The following CHAMP1 variants were observed in gnomAD, a reference collection of about 807,000 sequenced individuals.
CHAMP1 encodes the protein chromosome alignment maintaining phosphoprotein 1.
A neutral mutation model predicts 54.5 loss-of-function variants in CHAMP1; 4 were observed. The ratio of observed to expected loss-of-function variants is 0.07; its 90% CI spans 0.04 to 0.17. CHAMP1 has a LOEUF of 0.17. CHAMP1 is among the 10% of genes least tolerant of loss of function. The probability of loss-of-function intolerance (pLI) is 1.00; values close to 1 mark genes in which losing one functional copy is unlikely to be tolerated. For missense variants in CHAMP1, 994 were observed against 968.6 expected (o/e 1.03, Z -0.35); for synonymous variants, 368 against 342.2 (o/e 1.08, Z -0.83).
At chr13:114,322,067 A>C (rs1555379159) in intron 2 of CHAMP1, 1 of 116,778 alleles carries the variant, frequency 8.6e-6, no homozygotes, top group African/African-American at 3.4e-5. Flanking sequence ...TTTGAGATGG[A>C]GTCTTGCTCT....
rs1555379381 is a variant in CHAMP1 at position 114,324,203 on chromosome 13, T to C, written c.361T>C (p.Ser121Pro). The C allele has an allele frequency of 6.2e-7, 1 of 1,614,116 alleles. No homozygotes were observed. Among genetic ancestry groups the C allele is most frequent in the Admixed American group, 1.7e-5 (1 of 60,022 alleles). Residue 121 changes from serine (S) to proline (P), a missense_variant, in exon 3 of 3, where the codon TCA becomes CCA. By Grantham distance (74) the Ser-to-Pro change is moderately conservative. Coordinates refer to ENST00000361283, the MANE Select transcript of CHAMP1 (RefSeq NM_032436.4). ...TGAACACCAGAAAATACCCTGCAATTCAGCAGAACCAAAATCCATACCTGC... is the reference window on the plus strand; with the variant it reads ...TGAACACCAGAAAATACCCTGCAATCCAGCAGAACCAAAATCCATACCTGC... The part of the protein sequence containing the change: ...LPEHQKIPCN[S>P]AEPKSIPALS...
chr13:114,325,517 C>G lies in CHAMP1; in HGVS notation c.1675C>G (p.Leu559Val), dbSNP rs782278823. ...ALFPEPRKHA[L>V]FPELPKSALF... The stretch of plus-strand genomic sequence containing the variant: ...TTTTCCAGAGCCCCGGAAGCATGCC[C>G]TTTTCCCTGAACTCCCCAAATCTGC... The change falls in exon 3 of 3, where the codon CTT becomes GTT. Residue 559 changes from leucine to valine, a missense_variant. By Grantham distance (32) the Leu-to-Val change is conservative (BLOSUM62 1). Coordinates refer to ENST00000361283, the MANE Select transcript of CHAMP1 (RefSeq NM_032436.4). 2.5e-6 allele frequency: 4 copies of G among 1,614,052 alleles called. No individual in the cohort carries two copies. In the East Asian group the frequency reaches 6.7e-5, roughly 27 times the overall value.
chr13:114,325,975 C>T lies in CHAMP1; in HGVS notation c.2133C>T (p.Cys711=). 6.2e-7 allele frequency: 1 copy of T among 1,614,118 alleles called. No homozygotes were observed. Among genetic ancestry groups the T allele is most frequent in the Non-Finnish European group, 8.5e-7 (1 of 1,180,016 alleles). The change falls in exon 3 of 3, where the codon TGC becomes TGT. Residue 711 remains cysteine (C), a synonymous_variant. Transcript: ENST00000361283. The stretch of plus-strand genomic sequence containing the variant: ...AGCGTGGAAAAGGAAAGTATTATTG[C>T]AAAATTTGTTGCTGTCGTGCTATGA... ...YMKRGKGKYY[C]KICCCRAMKK... is the part of the protein sequence containing the mutation.
At position 114,324,036 on chromosome 13, in the gene CHAMP1, A is replaced by G; in HGVS notation, c.194A>G (p.His65Arg). The G allele has an allele frequency of 5.0e-6, 8 of 1,614,248 alleles. No homozygotes were observed. Among genetic ancestry groups the G allele is most frequent in the South Asian group, 1.1e-5 (1 of 91,092 alleles). ...YQKSAKLFHC[H>R]KCFFTSKMYS... ...AAAAGTGCAAAGTTATTTCACTGCC[A>G]TAAATGCTTCTTCACCAGCAAGATG... The change falls in exon 3 of 3, where the codon CAT (histidine) becomes CGT (arginine). Residue 65 changes from histidine to arginine, a missense_variant. His to Arg is a conservative substitution (Grantham distance 29). Transcript: ENST00000361283.
intron 1 of CHAMP1, among the ~76,000 whole-genome samples, chr13:114,318,066 G>C (rs935951084): frequency 1.3e-5 from 2 of 152,188 alleles, no homozygotes; most frequent in African/African-American, 4.8e-5. Context: ...TTGCCTAAAA[G>C]TTGAATTCTG....
chr13:114,320,897 A>T (rs1230169941), intron 1 of CHAMP1, among the ~76,000 whole-genome samples: 5 of 151,494 alleles, frequency 3.3e-5, no homozygotes, highest in Non-Finnish European at 7.4e-5. Flanking sequence ...CGGAGCTTGC[A>T]GTGAGCCGAG....
chr13:114,315,878 C>G (rs1414987957), intron 1 of CHAMP1, among the ~76,000 whole-genome samples: 1 of 149,660 alleles, frequency 6.7e-6, no homozygotes, highest in Non-Finnish European at 1.5e-5. Context: ...CTCTCGTTGC[C>G]CAGGCTGGAG....
intron 1 of CHAMP1, among the ~76,000 whole-genome samples, chr13:114,317,192 A>G (rs1238613267): frequency 1.3e-5 from 2 of 151,942 alleles, no homozygotes; most frequent in Non-Finnish European, 2.9e-5. Flanking sequence ...TAATTTTTGT[A>G]TTTTTAGTAG....
In CHAMP1 at chr13:114,324,586, A is replaced by G; in HGVS notation, c.744A>G (p.Pro248=). The G allele has an allele frequency of 6.2e-7, 1 of 1,614,112 alleles. No homozygotes were observed. The highest frequency in any genetic ancestry group is 8.5e-7 in the Non-Finnish European group (1 of 1,180,006). ...CTTCAGCCTCATCTCCAGAGTCACCAGTTCTAGCTGCTTCCCCAGAACCTT... is the reference window on the plus strand; with the variant it reads ...CTTCAGCCTCATCTCCAGAGTCACCGGTTCTAGCTGCTTCCCCAGAACCTT... ...GPPSASSPES[P]VLAASPEPWG... The change falls in exon 3 of 3, where the codon CCA becomes CCG. Residue 248 remains proline (P), a synonymous_variant. Transcript: ENST00000361283.
chr13:114,316,611 A>G, intron 1 of CHAMP1, among the ~76,000 whole-genome samples: 1 of 152,056 alleles, frequency 6.6e-6, no homozygotes, highest in East Asian at 1.9e-4. Context: ...AATAAATAAA[A>G]ATGACTCCTT....
In CHAMP1 at chr13:114,324,875, C is replaced by T; in HGVS notation, c.1033C>T (p.Pro345Ser). 6.2e-7 allele frequency: 1 copy of T among 1,614,140 alleles called. No homozygotes were observed. Among genetic ancestry groups the T allele is most frequent in the East Asian group, 2.2e-5 (1 of 44,886 alleles). Residue 345 changes from proline to serine, a missense_variant, in exon 3 of 3, where the codon CCT becomes TCT. Physicochemically the swap from Pro to Ser is moderately conservative, Grantham distance 74. This residue lies in a region of CHAMP1 where 851 missense variants were observed against 701.3 expected (regional missense o/e 1.21). Coordinates refer to ENST00000361283, the MANE Select transcript of CHAMP1 (RefSeq NM_032436.4). Reference protein sequence around the residue: ...KPAKPAPSVSPGPWKPIPSVS... With the variant: ...KPAKPAPSVSSGPWKPIPSVS... ...AGCTAAACCTGCTCCATCTGTGTCT[C>T]CTGGACCTTGGAAACCAATTCCTTC...
At chr13:114,321,084 T>G (rs1260055849) in intron 1 of CHAMP1, 26 bp from the exon 2 acceptor site, 1 of 124,328 alleles carries the variant, frequency 8.0e-6, no homozygotes, top group Non-Finnish European at 1.6e-5. Flanking sequence ...TTGATTACTT[T>G]TCTTTTTTTT....
intron 1 of CHAMP1, among the ~76,000 whole-genome samples, chr13:114,318,886 T>A (rs954020236): frequency 6.3e-5 from 6 of 94,554 alleles, no homozygotes; most frequent in South Asian, 6.8e-4. Context: ...TTTTTTTTTT[T>A]AATGTTCCCT....
chr13:114,315,038 TAA>T (rs1430079200), intron 1 of CHAMP1, among the ~76,000 whole-genome samples: 3 of 152,162 alleles, frequency 2.0e-5, no homozygotes, highest in Admixed American at 6.5e-5. Context: ...GTAAACCTGA[TAA>T]AGAGTTAATG....
intron 2 of CHAMP1, chr13:114,322,009 AAC>A (rs2087178182): frequency 6.6e-6 from 1 of 152,118 alleles, no homozygotes. Flanking sequence ...CATCTTTAAA[AAC>A]AAATTATCAA....
At position 114,326,218 on chromosome 13, in the gene CHAMP1, T is replaced by C. The variant is rs752555069; in HGVS notation, c.2376T>C (p.Asn792=). The C allele has an allele frequency of 4.6e-5, 74 of 1,599,384 alleles. No individual in the cohort carries two copies. Among genetic ancestry groups the C allele is most frequent in the Non-Finnish European group, 6.1e-5 (71 of 1,173,504 alleles). ...TAACTCATTGTCAAAGCCGGCATAA[T>C]GAAGAGGCAAATAAAAAGCTAATGG... The part of the protein sequence containing the change: ...KHLTHCQSRH[N]EEANKKLMEA... The change falls in exon 3 of 3, where the codon AAT becomes AAC. Residue 792 remains asparagine, a synonymous_variant. Transcript: ENST00000361283.
Position 114,316,812 on chromosome 13 carries a change from G to A in CHAMP1, c.-179+2169G>A, listed in dbSNP as rs755394850. On this transcript the variant is annotated intron_variant, in intron 1 of 2. Coordinates refer to ENST00000361283, the MANE Select transcript of CHAMP1 (RefSeq NM_032436.4). ...CATTGTACTTACTGGTTAAACATCC[G>A]TAATCTGAAATCTAAAATGCTCCTT... Among the ~76,000 whole-genome samples, 16 of 147,876 alleles carry A rather than the reference G, an allele frequency of 1.1e-4. No individual in the cohort carries two copies. The South Asian group carries it at 1.5e-3, about 14-fold the overall frequency.
In CHAMP1 at chr13:114,325,691, A is replaced by G. The variant is rs782091027; in HGVS notation, c.1849A>G (p.Lys617Glu). ...LLEDTLFPSSKKLKKDNQESS... is the reference protein window; with the variant it reads ...LLEDTLFPSSEKLKKDNQESS... ...AGAAGATACTTTATTTCCTTCCTCA[A>G]AGAAGCTCAAGAAAGACAACCAAGA... The change falls in exon 3 of 3, where the codon AAG becomes GAG. Residue 617 changes from lysine (K) to glutamate (E), a missense_variant. By Grantham distance (56) the Lys-to-Glu change is moderately conservative. This residue lies in a region of CHAMP1 where 851 missense variants were observed against 701.3 expected (regional missense o/e 1.21). Coordinates refer to ENST00000361283, the MANE Select transcript of CHAMP1 (RefSeq NM_032436.4). The G allele has an allele frequency of 7.4e-6, 12 of 1,613,450 alleles. 1 individual carries two copies. Among genetic ancestry groups the G allele is most frequent in the South Asian group, 2.2e-5 (2 of 91,028 alleles).
chr13:114,319,254 G>A (rs1359109113), intron 1 of CHAMP1, among the ~76,000 whole-genome samples: 5 of 152,262 alleles, frequency 3.3e-5, no homozygotes, highest in East Asian at 1.9e-4. Context: ...TTTTAAAGTA[G>A]ATGATCCCTG....
Sources: allele counts gnomAD v4.1 joint callset (sites outside exome capture counted in the v4.1 genomes callset), GRCh38; gene constraint gnomAD v4.1.1; regional missense constraint gnomAD v4.1.1; transcripts MANE v1.5; gene names NCBI Gene and HGNC (gene_info 2026-07-23, HGNC 2026-07-21).